Variants in CXXC4 observed in about 807,000 individuals in gnomAD.
The protein encoded by CXXC4 is CXXC finger protein 4.
Under a neutral mutation model 20.5 loss-of-function variants are expected in CXXC4, and 5 were observed. The observed-to-expected ratio is 0.24, with a 90% CI of 0.13 to 0.51. The LOEUF is 0.51. Ranked by LOEUF, CXXC4 falls within the 20% of genes least tolerant of loss-of-function variation. CXXC4 has a pLI of 0.97. For missense variants in CXXC4, 419 were observed against 496.4 expected, an observed-to-expected ratio of 0.84 and a Z score of 1.48; for synonymous variants, 250 against 216.4, an observed-to-expected ratio of 1.16 and a Z score of -1.36.
At chr4:104,490,135 T>C (rs1360051945) in intron 2 of CXXC4, among the ~76,000 whole-genome samples, 1 of 152,236 alleles carries the variant, frequency 6.6e-6, no homozygotes, top group Non-Finnish European at 1.5e-5. Flanking sequence ...AGTTTCAGCT[T>C]TCTCCAAAAA....
intron 2 of CXXC4, among the ~76,000 whole-genome samples, chr4:104,473,390 T>A (rs1195892826): frequency 6.6e-6 from 1 of 152,008 alleles, no homozygotes; most frequent in East Asian, 1.9e-4. Context: ...CACCAAAGTA[T>A]AAGCAATCAT....
chr4:104,491,358 A>AGGAGGAGGC lies in CXXC4; in HGVS notation c.436_444dup (p.Ala146_Ser148dup). The AGGAGGAGGC allele has an allele frequency of 6.7e-7, 1 of 1,492,494 alleles. No individual in the cohort carries two copies. Among genetic ancestry groups the AGGAGGAGGC allele is most frequent in the Non-Finnish European group, 8.9e-7 (1 of 1,126,082 alleles). 92.5% of individuals were successfully genotyped at this position (1,492,494 alleles called of 1,614,324 possible). On this transcript the variant is annotated inframe_insertion, in exon 2 of 3. Transcript: ENST00000394767. ...CCGCCGGCGGGGAGGATCGCCGAGGAGGAGGAGGCGGAGGAGGAGGCGGCG... is the reference window on the plus strand; with the variant it reads ...CCGCCGGCGGGGAGGATCGCCGAGGAGGAGGAGGCGGAGGAGGCGGAGGAGGAGGCGGCG...
intron 1 of CXXC4, among the ~76,000 whole-genome samples, chr4:104,492,434 G>T (rs999626713): frequency 1.1e-4 from 17 of 151,966 alleles, no homozygotes; most frequent in African/African-American, 4.1e-4. Context: ...ATAAGCAGAG[G>T]GCATTTAAAC....
At chr4:104,480,891 TTCCTTCCTTCCC>T (rs1736543308) in intron 2 of CXXC4, among the ~76,000 whole-genome samples, 1 of 143,492 alleles carries the variant, frequency 7.0e-6, no homozygotes, top group African/African-American at 2.5e-5. Context: ...CCATCCTTTC[TTCCTTCCTTCCC>T]TCCTTCCTTC....
chr4:104,475,905 G>T (rs1452777270), intron 2 of CXXC4, among the ~76,000 whole-genome samples: 1 of 152,102 alleles, frequency 6.6e-6, no homozygotes, highest in Non-Finnish European at 1.5e-5. Flanking sequence ...CACTGTTCAT[G>T]CAGGTGCAAA....
At chr4:104,478,466 T>C (rs1736473297) in intron 2 of CXXC4, among the ~76,000 whole-genome samples, 1 of 152,132 alleles carries the variant, frequency 6.6e-6, no homozygotes, top group African/African-American at 2.4e-5. Flanking sequence ...CGATTCACAC[T>C]GGTCCAGAAG....
At chr4:104,483,825 G>A (rs1187417878) in intron 2 of CXXC4, among the ~76,000 whole-genome samples, 3 of 151,908 alleles carry the variant, frequency 2.0e-5, no homozygotes, top group African/African-American at 7.2e-5. Context: ...AAAATTAATA[G>A]TGGTGATATG....
Position 104,469,515 on chromosome 4 carries a change from T to C in CXXC4, c.*2807A>G, listed in dbSNP as rs1219126758. On this transcript the variant is annotated 3_prime_UTR_variant, in exon 3 of 3. Transcript: ENST00000394767. The stretch of plus-strand genomic sequence containing the variant: ...TGAATATAAAACACACAGTGAGGAA[T>C]ATTTAAAAGTTACATTTCATTGGTA... The C allele has an allele frequency of 6.6e-6, 1 of 152,102 alleles. No homozygotes were observed. Among genetic ancestry groups the C allele is most frequent in the Non-Finnish European group, 1.5e-5 (1 of 67,980 alleles). 9.4% of individuals were successfully genotyped at this position (152,102 alleles called of 1,614,324 possible).
In CXXC4 at chr4:104,488,405, A is replaced by C. The variant is rs535630321; in HGVS notation, c.1059+2339T>G. ...AACTGTGTATTTGCACATAGGTCTAAGGCAGTCATGATGGCATTGTCTTTT... is the reference window on the plus strand; with the variant it reads ...AACTGTGTATTTGCACATAGGTCTACGGCAGTCATGATGGCATTGTCTTTT... On this transcript the variant is annotated intron_variant, in intron 2 of 2. Coordinates refer to ENST00000394767, the MANE Select transcript of CXXC4 (RefSeq NM_025212.4). Among the ~76,000 whole-genome samples, 16 of 152,352 alleles carry C rather than the reference A, an allele frequency of 1.1e-4. No individual in the cohort carries two copies. The South Asian group carries it at 2.7e-3, about 26-fold the overall frequency.
Position 104,491,411 on chromosome 4 carries a change from C to G in CXXC4, c.392G>C (p.Gly131Ala). 9.0e-7 allele frequency: 1 copy of G among 1,107,968 alleles called. No individual in the cohort carries two copies. The highest frequency in any genetic ancestry group is 1.1e-6 in the Non-Finnish European group (1 of 883,966). 68.6% of individuals were successfully genotyped at this position (1,107,968 alleles called of 1,614,324 possible). A position where few individuals can be genotyped will look rare whatever the true frequency, so the allele number is the denominator to read the frequency against. ...GGAGGAGGATTTCCTGCCGCCCCCA[C>G]CACCCCCGCCCCCGCCTCCGCCGCC... ...GGGGGGGGGG[G>A]GGGRKSSSAA... is the part of the protein sequence containing the mutation. Residue 131 changes from glycine (G) to alanine (A), a missense_variant, in exon 2 of 3, where the codon GGT (glycine) becomes GCT (alanine). This residue lies in a region of CXXC4 where 388 missense variants were observed against 416.0 expected (regional missense o/e 0.93). Coordinates refer to ENST00000394767, the MANE Select transcript of CXXC4 (RefSeq NM_025212.4).
chr4:104,480,245 T>C (rs1032434283), intron 2 of CXXC4, among the ~76,000 whole-genome samples: 1 of 152,186 alleles, frequency 6.6e-6, no homozygotes, highest in Non-Finnish European at 1.5e-5. Context: ...CACATTCAGA[T>C]AGTCAACTAA....
intron 2 of CXXC4, among the ~76,000 whole-genome samples, chr4:104,488,176 A>G (rs1736743892): frequency 1.3e-5 from 2 of 152,368 alleles, no homozygotes; most frequent in East Asian, 3.9e-4. Context: ...GGTGATATCC[A>G]CAATGAGTCC....
chr4:104,478,615 A>T (rs1560539812), intron 2 of CXXC4, among the ~76,000 whole-genome samples: 1 of 152,150 alleles, frequency 6.6e-6, no homozygotes. Context: ...CCATTCTAAC[A>T]AATAAGTAAA....
intron 1 of CXXC4, chr4:104,494,363 G>A (rs1277255135): frequency 6.6e-6 from 1 of 152,090 alleles, no homozygotes; most frequent in African/African-American, 2.4e-5. Context: ...GAGGAGGGGC[G>A]GGTGCAGACT....
rs566094587 is a variant in CXXC4 at position 104,470,528 on chromosome 4, T to C, written c.*1794A>G. 1.6e-4 allele frequency: 24 copies of C among 152,210 alleles called. No homozygotes were observed. The highest frequency in any genetic ancestry group is 5.8e-4 in the African/African-American group (24 of 41,560). 9.4% of individuals were successfully genotyped at this position (152,210 alleles called of 1,614,324 possible). ...TCTGCTTTTTAAAAAATCTTTTCTGTCCTATCGTATCCCATTGAAATCTAC... is the reference window on the plus strand; with the variant it reads ...TCTGCTTTTTAAAAAATCTTTTCTGCCCTATCGTATCCCATTGAAATCTAC... On this transcript the variant is annotated 3_prime_UTR_variant, in exon 3 of 3. Coordinates refer to ENST00000394767, the MANE Select transcript of CXXC4 (RefSeq NM_025212.4).
rs557042954 is a variant in CXXC4 at position 104,468,420 on chromosome 4, C to T, written c.*3902G>A. ...TTTTTTTTTTTTTTACAGTTTTGTA[C>T]ATGCCCCATAAGTAATTTTCTTTAA... On this transcript the variant is annotated 3_prime_UTR_variant, in exon 3 of 3. Coordinates refer to ENST00000394767, the MANE Select transcript of CXXC4 (RefSeq NM_025212.4). The T allele has an allele frequency of 2.1e-5, 3 of 142,296 alleles. No individual in the cohort carries two copies. The highest frequency in any genetic ancestry group is 4.6e-5 in the Non-Finnish European group (3 of 65,856). The allele number at this position is 142,296 out of a possible 1,614,324, so 8.8% of individuals were successfully genotyped here. A position where few individuals can be genotyped will look rare whatever the true frequency, so the allele number is the denominator to read the frequency against.
At chr4:104,481,189 A>C (rs1180305158) in intron 2 of CXXC4, among the ~76,000 whole-genome samples, 1 of 152,146 alleles carries the variant, frequency 6.6e-6, no homozygotes, top group Admixed American at 6.5e-5. Context: ...TTTCAATGTT[A>C]GTTTAAATGT....
chr4:104,469,522 A>G lies in CXXC4; in HGVS notation c.*2800T>C, dbSNP rs1442949617. 1 of 152,096 alleles carries G rather than the reference A, an allele frequency of 6.6e-6. No individual in the cohort carries two copies. Among genetic ancestry groups the G allele is most frequent in the East Asian group, 1.9e-4 (1 of 5,198 alleles). 9.4% of individuals were successfully genotyped at this position (152,096 alleles called of 1,614,324 possible). On this transcript the variant is annotated 3_prime_UTR_variant, in exon 3 of 3. Transcript: ENST00000394767. Reference sequence around the variant, plus strand: ...AAAACACACAGTGAGGAATATTTAAAAGTTACATTTCATTGGTATTTGAAA... The same window carrying G: ...AAAACACACAGTGAGGAATATTTAAGAGTTACATTTCATTGGTATTTGAAA...
In CXXC4 at chr4:104,491,478, CGCCGCT is replaced by C; in HGVS notation, c.319_324del (p.Ser107_Gly108del). 5.0e-6 allele frequency: 5 copies of C among 1,004,402 alleles called. No individual in the cohort carries two copies. The highest frequency in any genetic ancestry group is 4.3e-5 in the East Asian group (1 of 23,058). 62.2% of individuals were successfully genotyped at this position (1,004,402 alleles called of 1,614,324 possible). On this transcript the variant is annotated inframe_deletion, in exon 2 of 3. Transcript: ENST00000394767. ...CCCCCCCCGCCGCCGCCCCCGCCCC[CGCCGCT>C]GCCCCAGAGCATGGCGGTGGCGGCG... is the stretch of plus-strand genomic sequence containing the variant.
Sources: allele counts gnomAD v4.1 joint callset (sites outside exome capture counted in the v4.1 genomes callset), GRCh38; gene constraint gnomAD v4.1.1; regional missense constraint gnomAD v4.1.1; transcripts MANE v1.5; gene names NCBI Gene and HGNC (gene_info 2026-07-23, HGNC 2026-07-21).